The following TPO variants were observed in gnomAD, a reference collection of about 807,000 sequenced individuals.
TPO encodes thyroid microsomal antigen.
TPO carries 78 observed loss-of-function variants against 96.9 expected under a neutral mutation model. The observed-to-expected ratio is 0.81, with a 90% CI of 0.67 to 0.97. The LOEUF (loss-of-function observed/expected upper bound fraction) is 0.97. Ranked by LOEUF, TPO falls within the 50% of genes least tolerant of loss-of-function variation. The probability of loss-of-function intolerance (pLI) is 0.00; values close to 1 mark genes in which losing one functional copy is unlikely to be tolerated. For missense variants in TPO, 1,252 were observed against 1,274.8 expected, an observed-to-expected ratio of 0.98 and a Z score of 0.27; for synonymous variants, 547 against 538.0, an observed-to-expected ratio of 1.02 and a Z score of -0.23.
At chr2:1,508,696 AT>A (rs1459004304) in intron 14 of TPO, among the ~76,000 whole-genome samples, 1 of 151,920 alleles carries the variant, frequency 6.6e-6, no homozygotes, top group Non-Finnish European at 1.5e-5. Context: ...GTATTCTCTG[AT>A]GGTAGTTTGT....
chr2:1,540,540 C>A (rs1056486784), intron 15 of TPO, 54 bp from the exon 16 acceptor site: 1 of 1,607,366 alleles, frequency 6.2e-7, no homozygotes, highest in Non-Finnish European at 8.5e-7. Context: ...TCTCTACCCT[C>A]CACAGTCACG....
intron 5 of TPO, among the ~76,000 whole-genome samples, chr2:1,447,382 GC>G: frequency 6.6e-6 from 1 of 152,198 alleles, no homozygotes; most frequent in Non-Finnish European, 1.5e-5. Flanking sequence ...TGGCCTAGAA[GC>G]CCCCGCTTCC....
intron 1 of TPO, among the ~76,000 whole-genome samples, chr2:1,393,875 A>G (rs148285625): frequency 1.3e-5 from 2 of 152,364 alleles, no homozygotes; most frequent in African/African-American, 4.8e-5. Flanking sequence ...ATTTATTGCT[A>G]TAAGGACACT....
At chr2:1,420,468 G>T (rs922554171) in intron 2 of TPO, among the ~76,000 whole-genome samples, 1 of 152,064 alleles carries the variant, frequency 6.6e-6, no homozygotes, top group Non-Finnish European at 1.5e-5. Context: ...TTTTTTTCTG[G>T]TACCTAAAGA....
chr2:1,518,100 A>G (rs75498706), intron 15 of TPO, among the ~76,000 whole-genome samples: 2,799 of 152,148 alleles, frequency 0.018, 33 homozygotes, highest in African/African-American at 0.027. Flanking sequence ...TGGATTATCC[A>G]AGCCTCCCAG....
chr2:1,529,868 CA>C (rs1456515543), intron 15 of TPO, among the ~76,000 whole-genome samples: 1 of 123,584 alleles, frequency 8.1e-6, no homozygotes, highest in East Asian at 2.9e-4. Context: ...AAATTGCCCC[CA>C]CTGTGTGCAA....
rs28913268 is a variant in TPO at position 1,485,173 on chromosome 2, C to T, written c.1597+319C>T. ...TGCGGTGTTTGGTTTTCTGTCCTTGCGATAGTTTGCTCAGAATGATGGTTT... is the reference window on the plus strand; with the variant it reads ...TGCGGTGTTTGGTTTTCTGTCCTTGTGATAGTTTGCTCAGAATGATGGTTT... On this transcript the variant is annotated intron_variant, in intron 9 of 16. Transcript: ENST00000329066. Among the ~76,000 whole-genome samples the T allele has an allele frequency of 4.9e-3, 745 of 151,764 alleles. 11 individuals carry two copies. The highest frequency in any genetic ancestry group is 0.016 in the African/African-American group (682 of 41,352).
At chr2:1,445,904 C>T (rs1016066915) in intron 5 of TPO, among the ~76,000 whole-genome samples, 9 of 151,978 alleles carry the variant, frequency 5.9e-5, no homozygotes, top group Admixed American at 2.6e-4. Context: ...ATGGGGCAGG[C>T]TCCTTCCTGT....
rs75471817 is a variant in TPO at position 1,397,976 on chromosome 2, C to T, written n.180+23574C>T. Among the ~76,000 whole-genome samples the T allele has an allele frequency of 1.2e-3, 185 of 152,314 alleles. 1 individual carries two copies. Among genetic ancestry groups the T allele is most frequent in the African/African-American group, 4.4e-3 (183 of 41,572 alleles). On this transcript the variant is annotated intron_variant and non_coding_transcript_variant, in intron 1 of 5. Coordinates refer to the TPO transcript ENST00000497517. Reference sequence around the variant, plus strand: ...CACCTTGTGCAGAAAAAAGTACTTCCCATGCCACAAACAAAGGGTACAAGA... The same window carrying T: ...CACCTTGTGCAGAAAAAAGTACTTCTCATGCCACAAACAAAGGGTACAAGA...
At chr2:1,480,482 A>C (rs1332248403) in intron 8 of TPO, among the ~76,000 whole-genome samples, 1 of 151,616 alleles carries the variant, frequency 6.6e-6, no homozygotes, top group African/African-American at 2.4e-5. Context: ...GAAAAACATT[A>C]GATAATGAAA....
chr2:1,540,691 C>T lies in TPO; in HGVS notation c.2716C>T (p.Pro906Ser). Reference protein sequence around the residue: ...CGKHQAVGTSPQRAAAQDSEQ... With the variant: ...CGKHQAVGTSSQRAAAQDSEQ... ...AAAGCACCAGGCCGTAGGGACCTCA[C>T]CGCAGCGGGCCGCAGCTCAGGACTC... is the stretch of plus-strand genomic sequence containing the variant. The change falls in exon 16 of 17, where the codon CCG becomes TCG. Residue 906 changes from proline (P) to serine (S), a missense_variant. Coordinates refer to ENST00000329066, the MANE Select transcript of TPO (RefSeq NM_001206744.2). 1 of 1,613,354 alleles carries T rather than the reference C, an allele frequency of 6.2e-7. No homozygotes were observed. Among genetic ancestry groups the T allele is most frequent in the Non-Finnish European group, 8.5e-7 (1 of 1,180,032 alleles).
chr2:1,496,194 C>G lies in TPO; in HGVS notation c.2212C>G (p.Gln738Glu), dbSNP rs200796513. ...NLEAWRETFPQDDKCGFPESV... is the reference protein window; with the variant it reads ...NLEAWRETFPEDDKCGFPESV... Reference sequence around the variant, plus strand: ...GGAGGCCTGGAGGGAAACCTTTCCTCAAGGTGAAGTTCGGTCTCCTCTCAC... The same window carrying G: ...GGAGGCCTGGAGGGAAACCTTTCCTGAAGGTGAAGTTCGGTCTCCTCTCAC... The change falls in exon 12 of 17, where the codon CAA (glutamine) becomes GAA (glutamate). Residue 738 changes from glutamine to glutamate, a missense_variant. Transcript: ENST00000329066. The G allele has an allele frequency of 6.4e-4, 1,029 of 1,613,770 alleles. 1 individual carries two copies. The highest frequency in any genetic ancestry group is 4.8e-3 in the Middle Eastern group (29 of 6,060).
chr2:1,455,957 A>T, intron 6 of TPO, 119 bp from the exon 7 acceptor site: 1 of 999,968 alleles, frequency 1.0e-6, no homozygotes, highest in Non-Finnish European at 1.5e-6. Context: ...CAGATCTCCT[A>T]GGGGCACCTG....
intron 5 of TPO, chr2:1,438,888 C>G: frequency 1.4e-6 from 1 of 715,430 alleles, no homozygotes; most frequent in East Asian, 2.7e-5. Flanking sequence ...TCCAGCAGGA[C>G]AGACCAAATA....
chr2:1,488,786 C>T (rs1277111914), intron 10 of TPO, among the ~76,000 whole-genome samples: 1 of 152,192 alleles, frequency 6.6e-6, no homozygotes, highest in African/African-American at 2.4e-5. Context: ...GTCCCTGGGC[C>T]TTCCTCTGTC....
chr2:1,540,352 G>C (rs186197090), intron 15 of TPO, among the ~76,000 whole-genome samples: 2 of 152,328 alleles, frequency 1.3e-5, no homozygotes, highest in African/African-American at 4.8e-5. Context: ...CAGCTGCGTG[G>C]AGACAGGGTC....
intron 3 of TPO, among the ~76,000 whole-genome samples, chr2:1,423,860 A>G (rs1664043868): frequency 6.6e-6 from 1 of 152,240 alleles, no homozygotes; most frequent in African/African-American, 2.4e-5. Flanking sequence ...AAGGGAAAAG[A>G]AAGAGAAACA....
At chr2:1,480,392 G>A (rs1265873785) in intron 8 of TPO, among the ~76,000 whole-genome samples, 1 of 152,016 alleles carries the variant, frequency 6.6e-6, no homozygotes, top group Non-Finnish European at 1.5e-5. Flanking sequence ...GGTGGCCTGG[G>A]CCTGGAAGCC....
At chr2:1,374,830 G>A (rs1039329642) in intron 1 of TPO, among the ~76,000 whole-genome samples, 9 of 150,994 alleles carry the variant, frequency 6.0e-5, no homozygotes, top group Admixed American at 2.0e-4. Context: ...TGGTTCAGGC[G>A]ATTCTCCTGC....
Sources: allele counts gnomAD v4.1 joint callset (sites outside exome capture counted in the v4.1 genomes callset), GRCh38; gene constraint gnomAD v4.1.1; transcripts MANE v1.5; gene names NCBI Gene and HGNC (gene_info 2026-07-23, HGNC 2026-07-21).